The following KCNH5 variants were observed in gnomAD, a reference collection of about 807,000 sequenced individuals.
KCNH5 encodes potassium voltage-gated channel subfamily H member 5, also known as voltage-gated delayed rectifier potassium channel KCNH5.
In KCNH5, 46 loss-of-function variants were observed where a neutral mutation model predicts 96.1. The observed-to-expected ratio is 0.48, with a 90% confidence interval of 0.38 to 0.61. KCNH5 has a LOEUF of 0.61. Ranked by LOEUF, KCNH5 falls within the 20% of genes least tolerant of loss-of-function variation. KCNH5 has a pLI of 0.00. For missense variants in KCNH5, 907 were observed against 1,225.8 expected (o/e 0.74, Z 3.88); for synonymous variants, 439 against 449.8 (o/e 0.98, Z 0.30).
At chr14:63,006,608 T>C in intron 2 of KCNH5, 136 bp from the exon 3 acceptor site, 1 of 590,144 alleles carries the variant, frequency 1.7e-6, no homozygotes, top group South Asian at 2.1e-5. Flanking sequence ...AATAGTCAAA[T>C]CATGAGAGGC....
intron 1 of KCNH5, among the ~76,000 whole-genome samples, chr14:63,042,403 A>G (rs1269844820): frequency 6.6e-6 from 1 of 152,038 alleles, no homozygotes; most frequent in Non-Finnish European, 1.5e-5. Context: ...ATCTATGTCT[A>G]TGTTTGGCTG....
At position 62,707,338 on chromosome 14, in the gene KCNH5, T is replaced by A. The variant is rs1045984152; in HGVS notation, c.*170A>T. Reference sequence around the variant, plus strand: ...CAAGCAATATCTATGTTTTTAATCATCATCTTCTTTGGCAGGCCAGAATCC... The same window carrying A: ...CAAGCAATATCTATGTTTTTAATCAACATCTTCTTTGGCAGGCCAGAATCC... On this transcript the variant is annotated 3_prime_UTR_variant, in exon 11 of 11. Coordinates refer to ENST00000322893, the MANE Select transcript of KCNH5 (RefSeq NM_139318.5). 2.7e-5 allele frequency: 10 copies of A among 369,092 alleles called. No individual in the cohort carries two copies. The highest frequency in any genetic ancestry group is 4.7e-5 in the Non-Finnish European group (10 of 212,228). The allele number at this position is 369,092 out of a possible 1,614,324, so 22.9% of individuals were successfully genotyped here.
intron 8 of KCNH5, among the ~76,000 whole-genome samples, chr14:62,833,478 A>G (rs1232208496): frequency 1.3e-5 from 2 of 151,970 alleles, no homozygotes; most frequent in African/African-American, 4.8e-5. Flanking sequence ...TGGTCTTTCT[A>G]TTCTGTTCCA....
intron 6 of KCNH5, among the ~76,000 whole-genome samples, chr14:62,951,324 C>G (rs17093457): frequency 0.015 from 2,223 of 152,258 alleles, 45 homozygotes; most frequent in African/African-American, 0.052. Flanking sequence ...ACAGCATAGG[C>G]TTTCTTAAAT....
rs551562104 is a variant in KCNH5 at position 62,745,966 on chromosome 14, G to A, written c.2019+33762C>T. On this transcript the variant is annotated intron_variant, in intron 10 of 10. Coordinates refer to ENST00000322893, the MANE Select transcript of KCNH5 (RefSeq NM_139318.5). Reference sequence around the variant, plus strand: ...CCTACAGCTTCCTAAAGGATGTCAGGCAGAGTCAACAGAAGAGCGGGTTTC... The same window carrying A: ...CCTACAGCTTCCTAAAGGATGTCAGACAGAGTCAACAGAAGAGCGGGTTTC... Among the ~76,000 whole-genome samples the A allele has an allele frequency of 5.3e-5, 8 of 152,270 alleles. No individual in the cohort carries two copies. The East Asian group carries it at 1.5e-3, about 29-fold the overall frequency.
intron 10 of KCNH5, among the ~76,000 whole-genome samples, chr14:62,722,508 C>G (rs1282804866): frequency 1.3e-5 from 2 of 152,106 alleles, no homozygotes; most frequent in Non-Finnish European, 2.9e-5. Context: ...CTAGGCTACT[C>G]TGATTTAAGA....
chr14:62,822,268 G>C (rs1887130635), intron 8 of KCNH5, among the ~76,000 whole-genome samples: 2 of 152,026 alleles, frequency 1.3e-5, no homozygotes, highest in South Asian at 4.1e-4. Context: ...ATATTGATAA[G>C]CTTATTCTAA....
intron 6 of KCNH5, among the ~76,000 whole-genome samples, chr14:62,956,581 C>T (rs1489973527): frequency 7.6e-6 from 1 of 130,986 alleles, no homozygotes; most frequent in African/African-American, 3.0e-5. Context: ...CACCACAGTA[C>T]ATGATTCAGA....
At chr14:62,929,310 C>A (rs1397270848) in intron 7 of KCNH5, among the ~76,000 whole-genome samples, 1 of 152,072 alleles carries the variant, frequency 6.6e-6, no homozygotes, top group Non-Finnish European at 1.5e-5. Flanking sequence ...TTGGCCCAAA[C>A]CAACATCGTC....
intron 7 of KCNH5, among the ~76,000 whole-genome samples, chr14:62,942,632 C>G (rs777450478): frequency 6.6e-6 from 1 of 152,098 alleles, no homozygotes; most frequent in African/African-American, 2.4e-5. Context: ...CATACACATC[C>G]CACTGGCAGA....
At chr14:62,901,081 C>T (rs1318093326) in intron 7 of KCNH5, among the ~76,000 whole-genome samples, 2 of 152,030 alleles carry the variant, frequency 1.3e-5, no homozygotes, top group African/African-American at 4.8e-5. Flanking sequence ...CTCCGCCTCC[C>T]CGGTTCAAGC....
At chr14:62,799,910 A>C (rs1348345047) in intron 9 of KCNH5, among the ~76,000 whole-genome samples, 1 of 147,068 alleles carries the variant, frequency 6.8e-6, no homozygotes, top group Non-Finnish European at 1.5e-5. Flanking sequence ...ACTTTTCATT[A>C]AGCATGCAAT....
intron 7 of KCNH5, among the ~76,000 whole-genome samples, chr14:62,872,208 T>C (rs1012841824): frequency 6.6e-6 from 1 of 152,136 alleles, no homozygotes; most frequent in Non-Finnish European, 1.5e-5. Context: ...AACACAGAGA[T>C]GAAAAAATAG....
At chr14:62,833,419 T>C (rs1887399575) in intron 8 of KCNH5, among the ~76,000 whole-genome samples, 1 of 152,094 alleles carries the variant, frequency 6.6e-6, no homozygotes. Context: ...TATGTACTAC[T>C]GAAGCTTTTG....
intron 6 of KCNH5, among the ~76,000 whole-genome samples, chr14:62,954,537 T>A (rs1057404891): frequency 3.3e-5 from 5 of 152,320 alleles, no homozygotes; most frequent in Non-Finnish European, 7.4e-5. Context: ...TTGGAGGGCT[T>A]TGATTAATTA....
chr14:62,867,620 C>T (rs1483969037), intron 7 of KCNH5, among the ~76,000 whole-genome samples: 1 of 152,178 alleles, frequency 6.6e-6, no homozygotes, highest in African/African-American at 2.4e-5. Flanking sequence ...TAGTACATTA[C>T]TTTAAAATAA....
At chr14:62,783,528 C>A (rs1029661239) in intron 9 of KCNH5, among the ~76,000 whole-genome samples, 1 of 152,106 alleles carries the variant, frequency 6.6e-6, no homozygotes, top group African/African-American at 2.4e-5. Flanking sequence ...CAATTATAAT[C>A]CTTTACCCAT....
chr14:62,730,422 A>G (rs759411697), intron 10 of KCNH5, among the ~76,000 whole-genome samples: 1 of 152,204 alleles, frequency 6.6e-6, no homozygotes, highest in Non-Finnish European at 1.5e-5. Flanking sequence ...TTGGATAGCT[A>G]TGAAGGAAAT....
intron 7 of KCNH5, chr14:62,949,853 G>A (rs1889965542): frequency 5.5e-6 from 1 of 180,652 alleles, no homozygotes; most frequent in Non-Finnish European, 1.1e-5. Context: ...TCTATGGAAT[G>A]TGCGAAACGC....
Sources: gnomAD v4.1 joint callset for allele counts (sites outside exome capture counted in the v4.1 genomes callset) on GRCh38, gnomAD v4.1.1 for gene constraint, MANE v1.5 for transcripts, NCBI Gene and HGNC (gene_info 2026-07-23, HGNC 2026-07-21) for gene names.